The following WLS variants were observed in gnomAD, a reference collection of about 807,000 sequenced individuals.
The protein encoded by WLS is Wnt ligand secretion mediator.
In WLS, 23 loss-of-function variants were observed where a neutral mutation model predicts 62.8. That is an observed-to-expected ratio of 0.37 (90% CI 0.26 to 0.52). The LOEUF (loss-of-function observed/expected upper bound fraction) is 0.52. WLS is among the 20% of genes least tolerant of loss of function. The probability of loss-of-function intolerance (pLI) is 0.92; values close to 1 mark genes in which losing one functional copy is unlikely to be tolerated. For missense variants in WLS, 615 were observed against 697.3 expected (o/e 0.88, Z 1.33); for synonymous variants, 246 against 244.1 (o/e 1.01, Z -0.07).
chr1:68,168,642 C>T (rs1647098751), intron 2 of WLS, among the ~76,000 whole-genome samples: 1 of 152,172 alleles, frequency 6.6e-6, no homozygotes, highest in African/African-American at 2.4e-5. Flanking sequence ...CTTTCCTGGG[C>T]CTTTGCCCTG....
intron 2 of WLS, among the ~76,000 whole-genome samples, chr1:68,168,720 C>T (rs898921804): frequency 6.6e-6 from 1 of 152,180 alleles, no homozygotes; most frequent in Non-Finnish European, 1.5e-5. Flanking sequence ...CTGCCAGTCA[C>T]CAGAGTTTGT....
rs1217791522 is a variant in WLS, at chr1:68,153,546, C to A, written c.774G>T (p.Met258Ile). The A allele has an allele frequency of 6.2e-7, 1 of 1,614,158 alleles. No homozygotes were observed. Among genetic ancestry groups the A allele is most frequent in the East Asian group, 2.2e-5 (1 of 44,876 alleles). ...IMVWYWRRIT[M>I]MSRPPVLLEK... is the part of the protein sequence containing the mutation. ...CCAGAAGCACTGGGGGTCGGGACAT[C>A]ATGGTGATCCTCCTCCAATACCACA... Residue 258 changes from methionine to isoleucine, a missense_variant, in exon 5 of 12, where the codon ATG becomes ATT. Physicochemically the swap from Met to Ile is conservative, Grantham distance 10. Transcript: ENST00000262348.
chr1:68,155,513 CAGAGAT>C (rs1380342536), intron 3 of WLS, among the ~76,000 whole-genome samples: 11 of 152,184 alleles, frequency 7.2e-5, no homozygotes, highest in Admixed American at 2.0e-4. Context: ...AGGTAGAAAG[CAGAGAT>C]ACCTTCCTTC....
Position 68,153,552 on chromosome 1 carries a change from G to A in WLS, c.768C>T (p.Ile256=). 6.2e-7 allele frequency: 1 copy of A among 1,614,174 alleles called. No homozygotes were observed. Among genetic ancestry groups the A allele is most frequent in the African/African-American group, 1.3e-5 (1 of 75,044 alleles). Residue 256 remains isoleucine (I), a synonymous_variant, in exon 5 of 12, where the codon ATC becomes ATT. Transcript: ENST00000262348. Reference sequence around the variant, plus strand: ...GCACTGGGGGTCGGGACATCATGGTGATCCTCCTCCAATACCACACCATAA... The same window carrying A: ...GCACTGGGGGTCGGGACATCATGGTAATCCTCCTCCAATACCACACCATAA... ...FIIMVWYWRR[I]TMMSRPPVLL...
chr1:68,169,204 A>G (rs1165485697), intron 2 of WLS, among the ~76,000 whole-genome samples: 1 of 152,228 alleles, frequency 6.6e-6, no homozygotes, highest in Non-Finnish European at 1.5e-5. Context: ...ATATCTGTCT[A>G]TGGAACATGA....
intron 2 of WLS, among the ~76,000 whole-genome samples, chr1:68,180,576 C>A (rs1324188397): frequency 6.6e-6 from 1 of 152,168 alleles, no homozygotes; most frequent in Non-Finnish European, 1.5e-5. Context: ...AAATGCTAAA[C>A]CATCACAGCT....
intron 11 of WLS, among the ~76,000 whole-genome samples, chr1:68,116,100 G>T (rs1646288372): frequency 6.6e-6 from 1 of 152,154 alleles, no homozygotes; most frequent in Non-Finnish European, 1.5e-5. Context: ...TAACTTCCAG[G>T]TTGCTCCCTC....
chr1:68,228,240 C>G (rs779211683), intron 1 of WLS: 1 of 445,540 alleles, frequency 2.2e-6, no homozygotes, highest in South Asian at 1.6e-5. Flanking sequence ...TTGGAATAGT[C>G]TCATTTATGG....
chr1:68,174,347 T>A, intron 2 of WLS, among the ~76,000 whole-genome samples: 1 of 152,200 alleles, frequency 6.6e-6, no homozygotes, highest in East Asian at 1.9e-4. Context: ...TGTGGGGAAT[T>A]ATTGCACTCA....
At chr1:68,214,941 G>A (rs1425028115) in intron 1 of WLS, among the ~76,000 whole-genome samples, 1 of 152,150 alleles carries the variant, frequency 6.6e-6, no homozygotes, top group Non-Finnish European at 1.5e-5. Context: ...TCTGTGAGTT[G>A]AAATTCAGTA....
intron 11 of WLS, among the ~76,000 whole-genome samples, chr1:68,133,160 CGT>C (rs776630076): frequency 1.3e-5 from 2 of 151,892 alleles, no homozygotes; most frequent in Non-Finnish European, 2.9e-5. Flanking sequence ...TATATGTGCA[CGT>C]GTGTGTGTGT....
chr1:68,224,104 C>A (rs1289305650), intron 1 of WLS, among the ~76,000 whole-genome samples: 1 of 152,156 alleles, frequency 6.6e-6, no homozygotes, highest in Non-Finnish European at 1.5e-5. Context: ...TCTGAGTTAA[C>A]CCAGGGAATT....
intron 1 of WLS, among the ~76,000 whole-genome samples, chr1:68,201,753 C>T (rs1034256984): frequency 6.6e-6 from 1 of 152,132 alleles, no homozygotes; most frequent in Non-Finnish European, 1.5e-5. Flanking sequence ...ACCACTACCA[C>T]CAAAACACAA....
intron 1 of WLS, among the ~76,000 whole-genome samples, chr1:68,227,182 C>T (rs1370383145): frequency 2.6e-5 from 4 of 152,134 alleles, no homozygotes; most frequent in Non-Finnish European, 5.9e-5. Context: ...TCTCCTGAGG[C>T]CAGGAGTTTG....
chr1:68,177,746 G>A (rs1647322726), intron 2 of WLS, among the ~76,000 whole-genome samples: 1 of 152,000 alleles, frequency 6.6e-6, no homozygotes. Context: ...TGCCCTCCTG[G>A]GCCTCCCAAA....
chr1:68,208,278 T>C (rs1420360143), intron 1 of WLS, among the ~76,000 whole-genome samples: 1 of 152,206 alleles, frequency 6.6e-6, no homozygotes, highest in African/African-American at 2.4e-5. Flanking sequence ...GACATGGGTA[T>C]TTGCTACCCT....
chr1:68,152,170 A>C (rs149452440), intron 5 of WLS, among the ~76,000 whole-genome samples: 1 of 152,230 alleles, frequency 6.6e-6, no homozygotes, highest in Admixed American at 6.5e-5. Flanking sequence ...ATGGGACACA[A>C]TCAAGTGTTG....
At chr1:68,152,405 AAG>A (rs1219721230) in intron 5 of WLS, among the ~76,000 whole-genome samples, 5 of 152,070 alleles carry the variant, frequency 3.3e-5, no homozygotes, top group African/African-American at 4.8e-5. Context: ...CCCAAAGTCT[AAG>A]AGTCTGGAAA....
chr1:68,156,307 C>T (rs17541189), intron 3 of WLS, among the ~76,000 whole-genome samples: 1 of 152,106 alleles, frequency 6.6e-6, no homozygotes, highest in African/African-American at 2.4e-5. Context: ...CGTTCCTAAG[C>T]CTGAATTTGC....
Sources: gnomAD v4.1 joint callset for allele counts (sites outside exome capture counted in the v4.1 genomes callset) on GRCh38, gnomAD v4.1.1 for gene constraint, MANE v1.5 for transcripts, NCBI Gene and HGNC (gene_info 2026-07-23, HGNC 2026-07-21) for gene names.